Variants in DIAPH2 observed in about 807,000 individuals in gnomAD.
The protein encoded by DIAPH2 is protein diaphanous homolog 2.
In DIAPH2, 35 loss-of-function variants were observed where a neutral mutation model predicts 92.7. That is an observed-to-expected ratio of 0.38 (90% CI 0.29 to 0.50). DIAPH2 has a LOEUF of 0.50. Among genes scored for constraint, DIAPH2 ranks in the 20% least tolerant of loss-of-function variants. The probability of loss-of-function intolerance (pLI) is 0.94; values close to 1 mark genes in which losing one functional copy is unlikely to be tolerated. For synonymous variants in DIAPH2, 301 were observed against 280.4 expected, an observed-to-expected ratio of 1.07 and a Z score of -0.73; for missense variants, 701 against 819.5, an observed-to-expected ratio of 0.86 and a Z score of 1.77.
chrX:96,806,809 C>T (rs1287597600), intron 4 of DIAPH2, among the ~76,000 whole-genome samples: 2 of 104,630 alleles, frequency 1.9e-5, no homozygotes, highest in Non-Finnish European at 3.9e-5. Context: ...GGCGTGAGCT[C>T]AGCTCACTGC....
chrX:96,769,387 C>T (rs939376668), intron 4 of DIAPH2, among the ~76,000 whole-genome samples: 1 of 112,072 alleles, frequency 8.9e-6, no homozygotes, highest in Non-Finnish European at 1.9e-5. Flanking sequence ...TTAGCTCTTA[C>T]AGCATTAGCA....
intron 23 of DIAPH2, among the ~76,000 whole-genome samples, chrX:97,301,150 CAAAAAAAA>C (rs1220185711): frequency 3.1e-5 from 1 of 32,267 alleles, no homozygotes; most frequent in Admixed American, 3.8e-4. Context: ...GACTCCGTCT[CAAAAAAAA>C]AAAAAAAAAA....
At chrX:97,282,844 C>T (rs767936925) in intron 23 of DIAPH2, among the ~76,000 whole-genome samples, 5 of 111,725 alleles carry the variant, frequency 4.5e-5, no homozygotes, top group Non-Finnish European at 9.4e-5. Context: ...TACCAAAATG[C>T]TCTTTTCAGT....
chrX:97,574,774 G>A (rs1254411083), intron 26 of DIAPH2, among the ~76,000 whole-genome samples: 1 of 112,252 alleles, frequency 8.9e-6, no homozygotes, highest in Non-Finnish European at 1.9e-5. Context: ...TACTACATGG[G>A]TGATAAGGAG....
At chrX:96,792,689 A>G (rs2064509879) in intron 4 of DIAPH2, among the ~76,000 whole-genome samples, 1 of 111,903 alleles carries the variant, frequency 8.9e-6, no homozygotes, top group Non-Finnish European at 1.9e-5. Flanking sequence ...TACTTTTTCT[A>G]TCAGATTAGA....
chrX:97,263,169 G>C (rs1314810654), intron 23 of DIAPH2, among the ~76,000 whole-genome samples: 1 of 112,186 alleles, frequency 8.9e-6, no homozygotes, highest in South Asian at 3.7e-4. Context: ...ACATGCATTA[G>C]ATTTTTTTCC....
intron 22 of DIAPH2, among the ~76,000 whole-genome samples, chrX:97,217,642 A>C (rs970196832): frequency 4.5e-5 from 5 of 112,225 alleles, no homozygotes; most frequent in African/African-American, 1.6e-4. Flanking sequence ...ATAGGTATTC[A>C]TTCATACATT....
Position 97,600,141 on chromosome X carries a change from G to A in DIAPH2, c.*824G>A. Reference sequence around the variant, plus strand: ...CCCTCACATTTTAATGTTTATGCTAGGGATGAACCTGAAAATTCTATTACG... The same window carrying A: ...CCCTCACATTTTAATGTTTATGCTAAGGATGAACCTGAAAATTCTATTACG... On this transcript the variant is annotated 3_prime_UTR_variant, in exon 27 of 27. Coordinates refer to ENST00000324765, the MANE Select transcript of DIAPH2 (RefSeq NM_006729.5). The A allele has an allele frequency of 9.0e-6, 1 of 111,446 alleles. No homozygotes were observed. Among genetic ancestry groups the A allele is most frequent in the Non-Finnish European group, 1.9e-5 (1 of 52,522 alleles). 9.2% of individuals were successfully genotyped at this position (111,446 alleles called of 1,213,427 possible).
chrX:96,939,484 G>GTGTGTGTGTATATATATATATA (rs745521574), intron 12 of DIAPH2, 102 bp downstream of exon 12: 11 of 143,876 alleles, frequency 7.6e-5, no homozygotes, highest in African/African-American at 4.5e-4. Flanking sequence ...ATATGTGTGT[G>GTGTGTGTGTATATATATATATA]TATGTATATA....
chrX:97,272,313 A>T (rs2068396172), intron 23 of DIAPH2, among the ~76,000 whole-genome samples: 1 of 111,587 alleles, frequency 9.0e-6, no homozygotes, highest in African/African-American at 3.3e-5. Flanking sequence ...AAACTTTTTG[A>T]GTGCCTATTT....
chrX:96,956,552 C>T (rs917242296), intron 15 of DIAPH2, among the ~76,000 whole-genome samples: 1 of 111,924 alleles, frequency 8.9e-6, no homozygotes, highest in Non-Finnish European at 1.9e-5. Flanking sequence ...CTTTTATGCT[C>T]TCTTCCTCTT....
At chrX:97,028,780 T>C (rs2066352557) in intron 17 of DIAPH2, among the ~76,000 whole-genome samples, 1 of 112,047 alleles carries the variant, frequency 8.9e-6, no homozygotes, top group African/African-American at 3.2e-5. Flanking sequence ...TACAAGTACT[T>C]GTTTGAATGT....
chrX:97,601,185 G>A lies in DIAPH2; in HGVS notation c.*1868G>A, dbSNP rs950455880. 3.6e-5 allele frequency: 4 copies of A among 111,937 alleles called. No homozygotes were observed. Among genetic ancestry groups the A allele is most frequent in the Non-Finnish European group, 5.7e-5 (3 of 53,090 alleles). 9.2% of individuals were successfully genotyped at this position (111,937 alleles called of 1,213,427 possible). On this transcript the variant is annotated 3_prime_UTR_variant, in exon 27 of 27. Coordinates refer to ENST00000324765, the MANE Select transcript of DIAPH2 (RefSeq NM_006729.5). ...GTCTTTCTTTTCTGAAATCTTCGTG[G>A]TATGGCTTTTTTAATTCTTTTGACA...
At chrX:97,346,156 C>T (rs2069154194) in intron 23 of DIAPH2, among the ~76,000 whole-genome samples, 1 of 111,292 alleles carries the variant, frequency 9.0e-6, no homozygotes, top group Admixed American at 9.6e-5. Flanking sequence ...CTAGAACATA[C>T]TACTCAAAGT....
chrX:97,017,902 C>G (rs2066271459), intron 17 of DIAPH2, among the ~76,000 whole-genome samples: 1 of 112,097 alleles, frequency 8.9e-6, no homozygotes, highest in Non-Finnish European at 1.9e-5. Flanking sequence ...ATACTTAGTA[C>G]TTTGTGCCAG....
rs746577713 is a variant in DIAPH2 at position 96,833,570 on chromosome X, G to A, written c.448-48009G>A. ...TTCAGGTATTTAAAAAAATCATTAC[G>A]TCATTATATAAAGACAAGTCTAGAA... is the stretch of plus-strand genomic sequence containing the variant. On this transcript the variant is annotated intron_variant, in intron 4 of 26. Coordinates refer to ENST00000324765, the MANE Select transcript of DIAPH2 (RefSeq NM_006729.5). 5.4e-5 allele frequency among the ~76,000 whole-genome samples: 6 copies of A among 111,463 alleles called. No homozygotes were observed. The South Asian group carries it at 1.1e-3, about 21-fold the overall frequency.
intron 5 of DIAPH2, among the ~76,000 whole-genome samples, chrX:96,908,846 G>A (rs1187339002): frequency 9.0e-5 from 10 of 111,633 alleles, no homozygotes; most frequent in Admixed American, 8.5e-4. Context: ...TGATCCGCCC[G>A]CCTCGGCCTC....
At chrX:96,973,050 C>A (rs750783587) in intron 17 of DIAPH2, among the ~76,000 whole-genome samples, 2 of 111,158 alleles carry the variant, frequency 1.8e-5, no homozygotes, top group East Asian at 5.6e-4. Flanking sequence ...GGAATAGGCT[C>A]ATCCATTGGC....
intron 23 of DIAPH2, among the ~76,000 whole-genome samples, chrX:97,321,244 A>C (rs2068891337): frequency 9.0e-6 from 1 of 111,139 alleles, no homozygotes; most frequent in African/African-American, 3.3e-5. Flanking sequence ...GCTCATTTTC[A>C]GTGTCAGAGA....
Sources: gnomAD v4.1 joint callset for allele counts (sites outside exome capture counted in the v4.1 genomes callset) on GRCh38, gnomAD v4.1.1 for gene constraint, MANE v1.5 for transcripts, NCBI Gene and HGNC (gene_info 2026-07-23, HGNC 2026-07-21) for gene names.